MACROH2A1: variants seen among roughly 807,000 people sequenced by gnomAD.
The protein encoded by MACROH2A1 is macroH2A.1 histone, also known as core histone macro-H2A.1.
A neutral mutation model predicts 31.6 loss-of-function variants in MACROH2A1; 2 were observed. The observed-to-expected ratio is 0.06, with a 90% CI of 0.03 to 0.20. The LOEUF (loss-of-function observed/expected upper bound fraction) is 0.20, where lower values mean the gene tolerates loss of function less well. Ranked by LOEUF, MACROH2A1 falls within the 10% of genes least tolerant of loss-of-function variation. The pLI is 1.00. For missense variants in MACROH2A1, 230 were observed against 474.0 expected (o/e 0.49, Z 4.78); for synonymous variants, 169 against 189.6 (o/e 0.89, Z 0.89).
intron 7 of MACROH2A1, chr5:135,345,767 A>C (rs1205658032): frequency 1.8e-6 from 1 of 544,688 alleles, no homozygotes; most frequent in African/African-American, 1.9e-5. Flanking sequence ...AAGTAATAAA[A>C]AAAAATGCAA....
At chr5:135,338,059 C>G (rs1207611844) in intron 8 of MACROH2A1, 1 of 1,081,200 alleles carries the variant, frequency 9.2e-7, no homozygotes, top group Non-Finnish European at 1.2e-6. Context: ...AAATGTCTTG[C>G]TGCCAGTTAG....
chr5:135,358,774 G>A lies in MACROH2A1; in HGVS notation c.588+1723C>T, dbSNP rs139202711. 2.0e-4 allele frequency: 196 copies of A among 970,870 alleles called. 1 individual carries two copies. The African/African-American group carries it at 3.2e-3, about 16-fold the overall frequency. 60.1% of individuals were successfully genotyped at this position (970,870 alleles called of 1,614,324 possible). On this transcript the variant is annotated intron_variant, in intron 5 of 8. Transcript: ENST00000511689. ...TTTGTATCCTCACCCTACCAACTCT[G>A]AGTAGGGAACAGTCATTATTAGCCA...
chr5:135,349,495 CA>C (rs1191506221), intron 6 of MACROH2A1, among the ~76,000 whole-genome samples: 1 of 152,092 alleles, frequency 6.6e-6, no homozygotes, highest in Non-Finnish European at 1.5e-5. Context: ...CATCCATGTC[CA>C]AAATCCAAAG....
intron 1 of MACROH2A1, 181 bp from the exon 2 acceptor site, chr5:135,389,307 A>T (rs1405951025): frequency 4.7e-6 from 2 of 424,980 alleles, no homozygotes. Flanking sequence ...CTGAAAAGAA[A>T]GGCTTGGCTT....
chr5:135,376,917 T>A (rs1019115308), intron 2 of MACROH2A1, among the ~76,000 whole-genome samples: 2 of 152,206 alleles, frequency 1.3e-5, no homozygotes, highest in African/African-American at 4.8e-5. Flanking sequence ...ATGATTTCGA[T>A]GGATGGATTT....
At chr5:135,336,193 G>A (rs573439259) in intron 8 of MACROH2A1, among the ~76,000 whole-genome samples, 16 of 152,322 alleles carry the variant, frequency 1.1e-4, no homozygotes, top group African/African-American at 2.6e-4. Context: ...GTGGTAAGGT[G>A]GGTATCTACT....
chr5:135,359,413 C>G, intron 5 of MACROH2A1: 1 of 985,052 alleles, frequency 1.0e-6, no homozygotes, highest in Non-Finnish European at 1.2e-6. Flanking sequence ...ACTTTCAAAT[C>G]CCCAGACCTT....
chr5:135,364,961 GGTA>G (rs1488984425), intron 4 of MACROH2A1, among the ~76,000 whole-genome samples: 2 of 152,082 alleles, frequency 1.3e-5, no homozygotes, highest in Admixed American at 1.3e-4. Flanking sequence ...GATCTAGGAG[GGTA>G]GTTTTCACAT....
At position 135,358,620 on chromosome 5, in the gene MACROH2A1, A is replaced by G. The variant is rs17168197; in HGVS notation, c.588+1877T>C. 6,461 of 984,580 alleles carry G rather than the reference A, an allele frequency of 6.6e-3. 324 individuals are homozygous for G. In the African/African-American group the frequency reaches 0.1, roughly 15 times the overall value. The allele number at this position is 984,580 out of a possible 1,614,324, so 61.0% of individuals were successfully genotyped here. ...ACCATTCCTTTCAAATTTTCCTTCC[A>G]AAAGTCAAGATAAGCACATTAATTT... is the stretch of plus-strand genomic sequence containing the variant. On this transcript the variant is annotated intron_variant, in intron 5 of 8. Transcript: ENST00000511689.
Position 135,352,966 on chromosome 5 carries a change from A to G in MACROH2A1, c.668T>C (p.Ile223Thr). ...EAIINPTNAD[I>T]DLKDDLGNTL... ...ATTACCTAGGTCATCTTTAAGGTCA[A>G]TGTCAGCATTGGTAGGATTGATTAT... The change falls in exon 6 of 9, where the codon ATT becomes ACT. Residue 223 changes from isoleucine to threonine, a missense_variant. Ile to Thr is a moderately conservative substitution (Grantham distance 89, BLOSUM62 -1). Transcript: ENST00000511689. 6.3e-7 allele frequency: 1 copy of G among 1,584,116 alleles called. No individual in the cohort carries two copies. Among genetic ancestry groups the G allele is most frequent in the Non-Finnish European group, 8.7e-7 (1 of 1,152,624 alleles).
intron 4 of MACROH2A1, chr5:135,361,474 C>G (rs1370734202): frequency 6.6e-6 from 1 of 152,116 alleles, no homozygotes; most frequent in African/African-American, 2.4e-5. Flanking sequence ...AAGGACAAAG[C>G]CTGTATTAGA....
rs560442967 is a variant in MACROH2A1, at chr5:135,360,948, T to C, written c.478-341A>G. The C allele has an allele frequency of 3.2e-4, 132 of 406,278 alleles. 2 individuals are homozygous for C. The highest frequency in any genetic ancestry group is 2.6e-3 in the South Asian group (127 of 48,374). 25.2% of individuals were successfully genotyped at this position (406,278 alleles called of 1,614,324 possible). A position where few individuals can be genotyped will look rare whatever the true frequency, so the allele number is the denominator to read the frequency against. On this transcript the variant is annotated intron_variant, in intron 4 of 8. Coordinates refer to ENST00000511689, the MANE Select transcript of MACROH2A1 (RefSeq NM_138610.3). ...TAAGGATCTTTAAGTGTCTTTCCTT[T>C]CTAGATGTCTGTAATACTATTCAAG...
chr5:135,387,192 T>G (rs1766534054), intron 2 of MACROH2A1, among the ~76,000 whole-genome samples: 1 of 152,204 alleles, frequency 6.6e-6, no homozygotes, highest in African/African-American at 2.4e-5. Flanking sequence ...TTCCTGGGTG[T>G]GTCACCTAAG....
At chr5:135,399,656 C>T (rs1768573581), upstream of MACROH2A1, 1 of 152,258 alleles carries the variant, frequency 6.6e-6, no homozygotes, top group South Asian at 2.1e-4. This position sits in a 1 kb window ranked among gnomAD's most constrained non-coding sequence, Gnocchi z 4.5. Context: ...CAGTCAATGC[C>T]AACTCCCCCC....
intron 5 of MACROH2A1, chr5:135,359,304 AC>A: frequency 1.0e-6 from 1 of 985,378 alleles, no homozygotes; most frequent in Middle Eastern, 5.2e-4. Context: ...TCAATACATT[AC>A]CCAAGGAATA....
At chr5:135,362,461 A>T (rs1561612064) in intron 4 of MACROH2A1, 1 of 152,252 alleles carries the variant, frequency 6.6e-6, no homozygotes, top group Admixed American at 6.5e-5. Flanking sequence ...GGACTGAATG[A>T]TGTTGCTATA....
chr5:135,348,048 T>G (rs1761073357), intron 6 of MACROH2A1, among the ~76,000 whole-genome samples: 1 of 152,268 alleles, frequency 6.6e-6, no homozygotes, highest in South Asian at 2.1e-4. Context: ...TTATAAATAT[T>G]GCTTTAAGTA....
At chr5:135,360,013 A>C in intron 5 of MACROH2A1, 1 of 473,166 alleles carries the variant, frequency 2.1e-6, no homozygotes, top group Non-Finnish European at 2.8e-6. Context: ...GGTTCAGTGA[A>C]GAAACCCAGT....
At chr5:135,390,426 G>A (rs764585176) in intron 1 of MACROH2A1, among the ~76,000 whole-genome samples, 2 of 152,176 alleles carry the variant, frequency 1.3e-5, no homozygotes, top group African/African-American at 2.4e-5. Flanking sequence ...GTATTATGCT[G>A]GGCAGATGTG....
Sources: gnomAD v4.1 joint callset for allele counts (sites outside exome capture counted in the v4.1 genomes callset) on GRCh38, gnomAD v4.1.1 for gene constraint, Gnocchi (gnomAD v3.1) non-coding constraint, MANE v1.5 for transcripts, NCBI Gene and HGNC (gene_info 2026-07-23, HGNC 2026-07-21) for gene names.